NCKAP5: variants seen among roughly 807,000 people sequenced by gnomAD.
The protein encoded by NCKAP5 is nck-associated protein 5.
A neutral mutation model predicts 167.0 loss-of-function variants in NCKAP5; 92 were observed. The ratio of observed to expected loss-of-function variants is 0.55; its 90% CI spans 0.47 to 0.66. The LOEUF (loss-of-function observed/expected upper bound fraction) is 0.66. NCKAP5 is among the 30% of genes least tolerant of loss of function. NCKAP5 has a pLI of 0.00. For synonymous variants in NCKAP5, 891 were observed against 877.4 expected (o/e 1.02, Z -0.27); for missense variants, 2,378 against 2,315.0 (o/e 1.03, Z -0.56).
At chr2:132,881,042 T>TGGG (rs1691707320) in intron 8 of NCKAP5, among the ~76,000 whole-genome samples, 1 of 152,248 alleles carries the variant, frequency 6.6e-6, no homozygotes, top group Admixed American at 6.5e-5. Context: ...TTCTTCCAGT[T>TGGG]TCACCAATTG....
intron 1 of NCKAP5, among the ~76,000 whole-genome samples, chr2:133,565,769 C>T (rs2105045278): frequency 6.6e-6 from 1 of 152,344 alleles, no homozygotes; most frequent in Non-Finnish European, 1.5e-5. Flanking sequence ...GAATTTAAAG[C>T]CAATCAGCAC....
chr2:132,750,467 AAG>A (rs1352116194), intron 16 of NCKAP5, among the ~76,000 whole-genome samples: 2 of 152,206 alleles, frequency 1.3e-5, no homozygotes, highest in African/African-American at 2.4e-5. Context: ...GACAAGAAGA[AAG>A]AGATGAAAAG....
At chr2:133,158,330 G>A (rs1260900710) in intron 5 of NCKAP5, among the ~76,000 whole-genome samples, 2 of 152,172 alleles carry the variant, frequency 1.3e-5, no homozygotes, top group Non-Finnish European at 2.9e-5. Flanking sequence ...TTTTTCTGGA[G>A]TGTTAGGGGA....
chr2:133,637,476 C>CAAAGAAAAAAAAAAAAAAAAAAAAAAAA, the NCKAP5 span, among the ~76,000 whole-genome samples: 1 of 31,674 alleles, frequency 3.2e-5, no homozygotes, highest in African/African-American at 1.6e-4. Flanking sequence ...TGGTATTTTC[C>CAAAGAAAAAAAAAAAAAAAAAAAAAAAA]AAAAAAAAAA....
intron 16 of NCKAP5, among the ~76,000 whole-genome samples, chr2:132,737,066 C>T (rs1558990672): frequency 6.6e-6 from 1 of 152,164 alleles, no homozygotes; most frequent in African/African-American, 2.4e-5. Context: ...ACCCAGGCAC[C>T]TCATGGGATG....
intron 6 of NCKAP5, among the ~76,000 whole-genome samples, chr2:133,032,561 A>G (rs1161896556): frequency 1.4e-4 from 21 of 152,156 alleles, no homozygotes; most frequent in Non-Finnish European, 1.5e-5. Context: ...GGAAAAACAC[A>G]GGCCTGGATG....
intron 6 of NCKAP5, among the ~76,000 whole-genome samples, chr2:133,022,585 T>C (rs1400161290): frequency 6.6e-6 from 1 of 151,958 alleles, no homozygotes; most frequent in African/African-American, 2.4e-5. Flanking sequence ...AAAACCAGAG[T>C]TGGACACAAT....
rs138354084 is a variant in NCKAP5 at position 133,546,901 on chromosome 2, C to T, written c.-62+12149G>A. On this transcript the variant is annotated intron_variant, in intron 2 of 19. Coordinates refer to ENST00000409261, the MANE Select transcript of NCKAP5 (RefSeq NM_207363.3). Reference sequence around the variant, plus strand: ...CAAGATGGCCGAATAGGAACAGCTACGGTCTACAGCTCCCAGCGTGAGCAA... The same window carrying T: ...CAAGATGGCCGAATAGGAACAGCTATGGTCTACAGCTCCCAGCGTGAGCAA... 1.0e-2 allele frequency among the ~76,000 whole-genome samples: 1,519 copies of T among 152,282 alleles called. 27 individuals carry two copies. The highest frequency in any genetic ancestry group is 0.034 in the African/African-American group (1,415 of 41,546).
At chr2:132,880,297 A>G (rs1483664275) in intron 8 of NCKAP5, among the ~76,000 whole-genome samples, 1 of 152,212 alleles carries the variant, frequency 6.6e-6, no homozygotes, top group East Asian at 1.9e-4. Context: ...TGAATATTTC[A>G]AAGTAGCTAG....
At chr2:133,300,396 C>T (rs1270672859) in intron 4 of NCKAP5, among the ~76,000 whole-genome samples, 7 of 121,274 alleles carry the variant, frequency 5.8e-5, no homozygotes, top group East Asian at 2.3e-4. Context: ...ACTGGCAAAC[C>T]GAATCCAGCA....
intron 2 of NCKAP5, among the ~76,000 whole-genome samples, chr2:133,530,252 C>A (rs373350536): frequency 1.6e-4 from 22 of 140,816 alleles, no homozygotes; most frequent in Admixed American, 6.9e-4. Context: ...TTCCTTGACC[C>A]TCAAGTAAAA....
chr2:133,190,508 A>G (rs1018713965), intron 5 of NCKAP5, among the ~76,000 whole-genome samples: 14 of 152,236 alleles, frequency 9.2e-5, no homozygotes, highest in Middle Eastern at 3.4e-3. Flanking sequence ...CACTCTACCC[A>G]ACTTCAAACT....
intron 19 of NCKAP5, among the ~76,000 whole-genome samples, chr2:132,676,283 C>CTTTTTTTTT (rs61213029): frequency 1.6e-5 from 1 of 61,164 alleles, no homozygotes; most frequent in Non-Finnish European, 2.8e-5. Context: ...TTGTTTTATC[C>CTTTTTTTTT]TTTTTTTTTT....
At chr2:133,478,080 C>T (rs563219351) in intron 3 of NCKAP5, among the ~76,000 whole-genome samples, 1 of 152,286 alleles carries the variant, frequency 6.6e-6, no homozygotes, top group East Asian at 1.9e-4. Context: ...CCTGGATCCA[C>T]ATCAAGCCTT....
At chr2:133,081,942 T>C (rs1361773592) in intron 6 of NCKAP5, among the ~76,000 whole-genome samples, 1 of 152,144 alleles carries the variant, frequency 6.6e-6, no homozygotes, top group Non-Finnish European at 1.5e-5. Context: ...ATAGATAAAC[T>C]GAATGTCACA....
chr2:132,818,847 T>C (rs889840592), intron 11 of NCKAP5, among the ~76,000 whole-genome samples: 1 of 152,226 alleles, frequency 6.6e-6, no homozygotes, highest in Admixed American at 6.5e-5. Flanking sequence ...CATTTTATCA[T>C]ATTATAGCTG....
chr2:133,402,903 A>T (rs1193338479), intron 3 of NCKAP5, among the ~76,000 whole-genome samples: 3 of 152,186 alleles, frequency 2.0e-5, no homozygotes, highest in Non-Finnish European at 4.4e-5. Context: ...ATACAGTGAC[A>T]ATGCATCCTG....
chr2:133,002,452 T>A (rs1156362299), intron 6 of NCKAP5, among the ~76,000 whole-genome samples: 1 of 152,232 alleles, frequency 6.6e-6, no homozygotes, highest in Admixed American at 6.5e-5. Context: ...TATCTTATTG[T>A]ACGGTCCTCA....
At chr2:133,431,564 A>G (rs1690160927) in intron 3 of NCKAP5, 1 of 152,204 alleles carries the variant, frequency 6.6e-6, no homozygotes, top group Admixed American at 6.5e-5. Flanking sequence ...GGATCTCTGC[A>G]GCTGTAAGCA....
Sources: allele counts gnomAD v4.1 joint callset (sites outside exome capture counted in the v4.1 genomes callset), GRCh38; gene constraint gnomAD v4.1.1; transcripts MANE v1.5; gene names NCBI Gene and HGNC (gene_info 2026-07-23, HGNC 2026-07-21).